Variants in SNX18 observed in about 807,000 individuals in gnomAD.
SNX18 encodes sorting nexin-18.
Under a neutral mutation model 48.7 loss-of-function variants are expected in SNX18, and 35 were observed. The ratio of observed to expected loss-of-function variants is 0.72; its 90% confidence interval spans 0.55 to 0.95. SNX18 has a LOEUF of 0.95. Among genes scored for constraint, SNX18 ranks in the 40% least tolerant of loss-of-function variants. The probability of loss-of-function intolerance (pLI) is 0.00; values close to 1 mark genes in which losing one functional copy is unlikely to be tolerated. For synonymous variants in SNX18, 492 were observed against 384.7 expected (o/e 1.28, Z -3.26); for missense variants, 824 against 871.0 (o/e 0.95, Z 0.68).
chr5:54,568,845 T>G, the SNX18 span, among the ~76,000 whole-genome samples: 1 of 143,196 alleles, frequency 7.0e-6, no homozygotes, highest in African/African-American at 2.6e-5. Flanking sequence ...TTTTTTTTTT[T>G]TTTTTTTTTT....
At position 54,519,546 on chromosome 5, in the gene SNX18, T is replaced by G. The variant is rs753941307; in HGVS notation, c.1594T>G (p.Phe532Val). The G allele has an allele frequency of 1.2e-5, 20 of 1,614,070 alleles. No homozygotes were observed. The highest frequency in any genetic ancestry group is 1.6e-5 in the Non-Finnish European group (19 of 1,180,040). Reference protein sequence around the residue: ...LALYQGHLANFPDIIHVQKGA... With the variant: ...LALYQGHLANVPDIIHVQKGA... ...GCTGTATCAGGGGCATCTGGCTAACTTCCCGGACATCATCCACGTTCAGAA... is the reference window on the plus strand; with the variant it reads ...GCTGTATCAGGGGCATCTGGCTAACGTCCCGGACATCATCCACGTTCAGAA... Residue 532 changes from phenylalanine (F) to valine (V), a missense_variant, in exon 1 of 2, where the codon TTC (phenylalanine) becomes GTC (valine). Phe to Val is a conservative substitution (Grantham distance 50). This residue lies in a region of SNX18 where 443 missense variants were observed against 503.6 expected (regional missense o/e 0.88). Transcript: ENST00000381410.
the SNX18 span, among the ~76,000 whole-genome samples, chr5:54,602,778 G>A: frequency 3.3e-5 from 5 of 152,304 alleles, no homozygotes; most frequent in Non-Finnish European, 5.9e-5. Context: ...CCGGGATCTT[G>A]CCTTACTTCT....
the SNX18 span, among the ~76,000 whole-genome samples, chr5:54,637,900 C>T: frequency 6.6e-6 from 1 of 152,164 alleles, no homozygotes; most frequent in Non-Finnish European, 1.5e-5. Flanking sequence ...CAGCTCTAGG[C>T]TTTCGCCTTC....
the SNX18 span, among the ~76,000 whole-genome samples, chr5:54,562,604 C>T: frequency 6.6e-5 from 10 of 152,174 alleles, no homozygotes; most frequent in Admixed American, 6.5e-5. Flanking sequence ...CTGGTGTAAA[C>T]AAACCTCCTG....
chr5:54,528,650 T>G (rs1300618094), intron 1 of SNX18, among the ~76,000 whole-genome samples: 1 of 152,222 alleles, frequency 6.6e-6, no homozygotes, highest in Non-Finnish European at 1.5e-5. Context: ...AGTGAGGAGC[T>G]GTCACTGTAC....
chr5:54,602,697 A>G, the SNX18 span, among the ~76,000 whole-genome samples: 4 of 152,276 alleles, frequency 2.6e-5, no homozygotes, highest in East Asian at 7.7e-4. Context: ...GAAGAGGGCC[A>G]AGTGGGTGAC....
In SNX18 at chr5:54,518,659, T is replaced by C. The variant is rs778312169; in HGVS notation, c.707T>C (p.Val236Ala). Residue 236 changes from valine (V) to alanine (A), a missense_variant, in exon 1 of 2, where the codon GTC becomes GCC. Val to Ala is a moderately conservative substitution (Grantham distance 64). Transcript: ENST00000381410. ...SRNLNRFSTF[V>A]KSGGEAFVLG... ...AACCTCAATCGCTTCTCCACCTTCGTCAAGTCCGGCGGGGAGGCCTTCGTG... is the reference window on the plus strand; with the variant it reads ...AACCTCAATCGCTTCTCCACCTTCGCCAAGTCCGGCGGGGAGGCCTTCGTG... 3 of 1,557,596 alleles carry C rather than the reference T, an allele frequency of 1.9e-6. No individual in the cohort carries two copies. Among genetic ancestry groups the C allele is most frequent in the Non-Finnish European group, 2.6e-6 (3 of 1,153,136 alleles).
At chr5:54,615,095 T>C in the SNX18 span, among the ~76,000 whole-genome samples, 1 of 152,212 alleles carries the variant, frequency 6.6e-6, no homozygotes, top group Non-Finnish European at 1.5e-5. Flanking sequence ...TTCAGGGCTC[T>C]GGAGCTTCAG....
At chr5:54,631,231 C>T in the SNX18 span, among the ~76,000 whole-genome samples, 1 of 152,296 alleles carries the variant, frequency 6.6e-6, no homozygotes, top group South Asian at 2.1e-4. Flanking sequence ...TTAGAAGGCA[C>T]TCTTTTATTT....
chr5:54,571,369 G>A, the SNX18 span, among the ~76,000 whole-genome samples: 9 of 152,146 alleles, frequency 5.9e-5, no homozygotes, highest in Non-Finnish European at 1.0e-4. Flanking sequence ...AAAAGTCCCC[G>A]TAGGAAGAAT....
At chr5:54,534,557 C>CT (rs1263808058) in intron 1 of SNX18, among the ~76,000 whole-genome samples, 1 of 151,600 alleles carries the variant, frequency 6.6e-6, no homozygotes, top group African/African-American at 2.4e-5. Context: ...TGTATGAGGG[C>CT]TTTTTTTTCT....
the SNX18 span, among the ~76,000 whole-genome samples, chr5:54,640,930 C>T: frequency 6.6e-6 from 1 of 152,122 alleles, no homozygotes. Context: ...TGTGGTGGCA[C>T]ATGCCTGTAG....
the SNX18 span, among the ~76,000 whole-genome samples, chr5:54,574,507 G>C: frequency 6.6e-6 from 1 of 152,206 alleles, no homozygotes; most frequent in African/African-American, 2.4e-5. Context: ...GCTAGAAAAT[G>C]TAACCTTTAC....
Position 54,520,114 on chromosome 5 carries a change from A to G in SNX18, c.1621+541A>G, listed in dbSNP as rs573029874. On this transcript the variant is annotated intron_variant, in intron 1 of 1. Transcript: ENST00000381410. ...TTCCTGCAAAGAATTCTTGCCTGCA[A>G]CCTTTACGAAGTGAAGTAATTTCAG... The G allele has an allele frequency of 5.5e-4, 201 of 367,740 alleles. 1 individual carries two copies. The highest frequency in any genetic ancestry group is 3.8e-3 in the African/African-American group (187 of 48,940). The allele number at this position is 367,740 out of a possible 1,614,324, so 22.8% of individuals were successfully genotyped here.
In SNX18 at chr5:54,519,231, A is replaced by G; in HGVS notation, c.1279A>G (p.Lys427Glu). 1 of 1,614,138 alleles carries G rather than the reference A, an allele frequency of 6.2e-7. No homozygotes were observed. The highest frequency in any genetic ancestry group is 8.5e-7 in the Non-Finnish European group (1 of 1,180,024). The change falls in exon 1 of 2, where the codon AAG (lysine) becomes GAG (glutamate). Residue 427 changes from lysine (K) to glutamate (E), a missense_variant. Physicochemically the swap from Lys to Glu is moderately conservative, Grantham distance 56. Coordinates refer to ENST00000381410, the MANE Select transcript of SNX18 (RefSeq NM_001102575.2). ...CCTTGACCTGCAGGAGGTGGAGAGC[A>G]AGATCGACGGCTTCAAGTGCTTCAC... ...AALDLQEVESKIDGFKCFTKK... is the reference protein window; with the variant it reads ...AALDLQEVESEIDGFKCFTKK...
At chr5:54,550,773 C>T (rs545509091), downstream of SNX18, among the ~76,000 whole-genome samples, 41 of 146,718 alleles carry the variant, frequency 2.8e-4, no homozygotes, top group African/African-American at 9.3e-4. Flanking sequence ...TTAGTAGAGA[C>T]GGGGTTTCAC....
the SNX18 span, among the ~76,000 whole-genome samples, chr5:54,554,655 A>G: frequency 6.6e-6 from 1 of 152,220 alleles, no homozygotes; most frequent in Non-Finnish European, 1.5e-5. Flanking sequence ...ACAATATTTC[A>G]TTGTATTTTG....
the SNX18 span, among the ~76,000 whole-genome samples, chr5:54,634,225 G>A: frequency 6.6e-6 from 1 of 152,186 alleles, no homozygotes; most frequent in Non-Finnish European, 1.5e-5. Context: ...TTCCTTATAA[G>A]GCTATGGTTG....
the SNX18 span, chr5:54,643,551 A>C: frequency 6.6e-6 from 1 of 152,230 alleles, no homozygotes; most frequent in African/African-American, 2.4e-5. Context: ...CCATGAATGT[A>C]GTTCTAGTAA....
Sources: gnomAD v4.1 joint callset for allele counts (sites outside exome capture counted in the v4.1 genomes callset) on GRCh38, gnomAD v4.1.1 for gene constraint, gnomAD v4.1.1 regional missense constraint, MANE v1.5 for transcripts, NCBI Gene and HGNC (gene_info 2026-07-23, HGNC 2026-07-21) for gene names.